The following ADAMTS13 variants were observed in gnomAD, a reference collection of about 807,000 sequenced individuals.
ADAMTS13 encodes the protein ADAM metallopeptidase with thrombospondin type 1 motif 13.
In ADAMTS13, 110 loss-of-function variants were observed where a neutral mutation model predicts 155.1. The observed-to-expected ratio is 0.71, with a 90% confidence interval of 0.61 to 0.83. The LOEUF is 0.83. ADAMTS13 is among the 40% of genes least tolerant of loss of function. The pLI is 0.00. For missense variants in ADAMTS13, 1,707 were observed against 1,891.7 expected (o/e 0.90, Z 1.81); for synonymous variants, 758 against 756.4 (o/e 1.00, Z -0.03).
At position 133,454,509 on chromosome 9, in the gene ADAMTS13, G is replaced by C. The variant is rs151138896; in HGVS notation, c.3139G>C (p.Asp1047His). ...CTGTGTGCAGCTCGACCAAGGCCAG[G>C]ACGTGGAGGTGGACGAGGCGGCCTG... is the stretch of plus-strand genomic sequence containing the variant. Reference protein sequence around the residue: ...VACVQLDQGQDVEVDEAACAA... With the variant: ...VACVQLDQGQHVEVDEAACAA... Residue 1047 changes from aspartate (D) to histidine (H), a missense_variant, in exon 24 of 29, where the codon GAC (aspartate) becomes CAC (histidine). Asp to His is a moderately conservative substitution (Grantham distance 81). Transcript: ENST00000355699. 1 of 1,612,332 alleles carries C rather than the reference G, an allele frequency of 6.2e-7. No individual in the cohort carries two copies. Among genetic ancestry groups the C allele is most frequent in the Non-Finnish European group, 8.5e-7 (1 of 1,180,002 alleles).
At chr9:133,436,457 C>T (rs1213077333) in intron 11 of ADAMTS13, among the ~76,000 whole-genome samples, 3 of 152,152 alleles carry the variant, frequency 2.0e-5, no homozygotes, top group Non-Finnish European at 2.9e-5. Flanking sequence ...GCAGAGGCTT[C>T]GGTGGTGAGG....
rs1392672440 is a variant in ADAMTS13 at position 133,438,226 on chromosome 9, C to T, written c.1585-20C>T. ...AGCACCCTCCAGTGACACGGGCCCT[C>T]TGTCCTTCCCTTTGCATAGACATTT... On this transcript the variant is annotated intron_variant, in intron 13 of 28. Coordinates refer to ENST00000355699, the MANE Select transcript of ADAMTS13 (RefSeq NM_139027.6). 1.2e-6 allele frequency: 2 copies of T among 1,614,004 alleles called. No individual in the cohort carries two copies. Among genetic ancestry groups the T allele is most frequent in the East Asian group, 2.2e-5 (1 of 44,896 alleles).
intron 22 of ADAMTS13, 23 bp downstream of exon 22, chr9:133,448,751 T>C (rs782590808): frequency 1.3e-6 from 2 of 1,597,032 alleles, no homozygotes; most frequent in South Asian, 1.1e-5. Flanking sequence ...AGCAAGACTG[T>C]GTGCTGGCCT....
In ADAMTS13 at chr9:133,442,542, C is replaced by G; in HGVS notation, c.2104+8C>G. 1 of 1,613,534 alleles carries G rather than the reference C, an allele frequency of 6.2e-7. No homozygotes were observed. Among genetic ancestry groups the G allele is most frequent in the Non-Finnish European group, 8.5e-7 (1 of 1,180,018 alleles). On this transcript the variant is annotated splice_region_variant and intron_variant, in intron 17 of 28. Coordinates refer to ENST00000355699, the MANE Select transcript of ADAMTS13 (RefSeq NM_139027.6). ...CGGTGAGCTGTGGGGCAGGTGAGAC[C>G]TGGGGAAGGCTCATCCACAGCACGG...
Position 133,456,244 on chromosome 9 carries a change from G to T in ADAMTS13, c.3547+29G>T, listed in dbSNP as rs782506594. 1 of 1,613,064 alleles carries T rather than the reference G, an allele frequency of 6.2e-7. No homozygotes were observed. The highest frequency in any genetic ancestry group is 1.7e-5 in the Admixed American group (1 of 60,028). On this transcript the variant is annotated intron_variant, in intron 26 of 28. Coordinates refer to ENST00000355699, the MANE Select transcript of ADAMTS13 (RefSeq NM_139027.6). This position sits in a 1 kb window ranked among gnomAD's most constrained non-coding sequence, Gnocchi z 4.4. ...TGTCTAGGGCCATGCAAGCGATGCT[G>T]CCAGTTATGGGCCCTGCCAGGAGCC... is the stretch of plus-strand genomic sequence containing the variant.
At chr9:133,427,865 A>G (rs587716079) in intron 6 of ADAMTS13, among the ~76,000 whole-genome samples, 2 of 152,340 alleles carry the variant, frequency 1.3e-5, no homozygotes, top group East Asian at 3.9e-4. Context: ...AAATTTCTAG[A>G]AAAAGGGCAG....
chr9:133,432,628 A>T lies in ADAMTS13; in HGVS notation c.1028A>T (p.Asp343Val). 1.9e-6 allele frequency: 3 copies of T among 1,558,582 alleles called. No individual in the cohort carries two copies. The highest frequency in any genetic ancestry group is 2.6e-6 in the Non-Finnish European group (3 of 1,150,620). ...QALSCHTDPL[D>V]QSSCSRLLVP... is the part of the protein sequence containing the mutation. ...CTCTCCTGCCACACAGACCCGCTGG[A>T]CCAAAGCAGCTGCAGCCGCCTCCTC... Residue 343 changes from aspartate (D) to valine (V), a missense_variant, in exon 9 of 29, where the codon GAC (aspartate) becomes GTC (valine). Transcript: ENST00000355699.
chr9:133,426,453 G>A lies in ADAMTS13; in HGVS notation c.686+108G>A, dbSNP rs371453489. 1,006 of 1,465,278 alleles carry A rather than the reference G, an allele frequency of 6.9e-4. 9 individuals carry two copies. The African/African-American group carries it at 0.012, about 18-fold the overall frequency. 90.8% of individuals were successfully genotyped at this position (1,465,278 alleles called of 1,614,324 possible). A position where few individuals can be genotyped will look rare whatever the true frequency, so the allele number is the denominator to read the frequency against. On this transcript the variant is annotated intron_variant, in intron 6 of 28. Transcript: ENST00000355699. The stretch of plus-strand genomic sequence containing the variant: ...TGGGTCCTTGTAGAGTTTCTCCAGA[G>A]GAGCCTGTACCCCTCACCCCGACAG...
chr9:133,426,181 C>T lies in ADAMTS13; in HGVS notation c.540-18C>T, dbSNP rs1840268717. 1.9e-6 allele frequency: 3 copies of T among 1,614,062 alleles called. No individual in the cohort carries two copies. Among genetic ancestry groups the T allele is most frequent in the South Asian group, 1.1e-5 (1 of 91,092 alleles). On this transcript the variant is annotated intron_variant, in intron 5 of 28. Transcript: ENST00000355699. ...ACGTGCCTTGGCACCACCCAAGTGA[C>T]TGTTTTCTCTCACCGAGGTTTGACC...
rs587758630 is a variant in ADAMTS13 at position 133,437,687 on chromosome 9, G to T, written c.1436-62G>T. 16 of 1,605,842 alleles carry T rather than the reference G, an allele frequency of 1.0e-5. No individual in the cohort carries two copies. In the African/African-American group the frequency reaches 1.1e-4, roughly 11 times the overall value. ...AGATGCAAAGGATGAAGCTGGGTGGGGGCTGGGGGACTTGCCCCTCCTGCT... is the reference window on the plus strand; with the variant it reads ...AGATGCAAAGGATGAAGCTGGGTGGTGGCTGGGGGACTTGCCCCTCCTGCT... On this transcript the variant is annotated intron_variant, in intron 12 of 28. Transcript: ENST00000355699.
chr9:133,430,167 C>A lies in ADAMTS13; in HGVS notation c.987+66C>A, dbSNP rs587744487. The A allele has an allele frequency of 2.9e-4, 440 of 1,536,524 alleles. 1 individual carries two copies. The African/African-American group carries it at 5.3e-3, about 18-fold the overall frequency. ...CCTCCGCATCACCCAGCTCACGTCCCCCAAAACGTGCATGGTGAGAACCTG... is the reference window on the plus strand; with the variant it reads ...CCTCCGCATCACCCAGCTCACGTCCACCAAAACGTGCATGGTGAGAACCTG... On this transcript the variant is annotated intron_variant, in intron 8 of 28. Transcript: ENST00000355699.
chr9:133,439,551 T>C (rs1841506725), intron 15 of ADAMTS13, 105 bp downstream of exon 15: 2 of 1,015,820 alleles, frequency 2.0e-6, no homozygotes, highest in African/African-American at 1.6e-5. Context: ...GTTCAGGGGG[T>C]TCCCCAAACC....
At chr9:133,435,951 T>C (rs953319997) in intron 11 of ADAMTS13, among the ~76,000 whole-genome samples, 1 of 151,830 alleles carries the variant, frequency 6.6e-6, no homozygotes, top group Non-Finnish European at 1.5e-5. Context: ...CTTGCTGTTT[T>C]CTGTTGTTGT....
intron 21 of ADAMTS13, among the ~76,000 whole-genome samples, chr9:133,447,979 T>G (rs910366924): frequency 1.3e-5 from 2 of 152,060 alleles, no homozygotes; most frequent in East Asian, 1.9e-4. Flanking sequence ...GATTTTCATA[T>G]TGTGATTTTT....
At chr9:133,421,465 A>G (rs1839952766), upstream of ADAMTS13, among the ~76,000 whole-genome samples, 1 of 152,056 alleles carries the variant, frequency 6.6e-6, no homozygotes, top group African/African-American at 2.4e-5. Flanking sequence ...CCACCTTTGA[A>G]CATACTACAT....
chr9:133,454,688 G>C, intron 24 of ADAMTS13, 69 bp downstream of exon 24: 1 of 1,517,512 alleles, frequency 6.6e-7, no homozygotes, highest in Non-Finnish European at 8.8e-7. Context: ...CCTCATGTGT[G>C]AGGGAGTCTA....
At chr9:133,448,279 A>G (rs1842204581) in intron 21 of ADAMTS13, among the ~76,000 whole-genome samples, 2 of 152,186 alleles carry the variant, frequency 1.3e-5, no homozygotes, top group East Asian at 1.9e-4. Context: ...TGCCTGGCCC[A>G]TATTGCAATT....
Position 133,436,861 on chromosome 9 carries a change from G to A in ADAMTS13, c.1341G>A (p.Ser447=), listed in dbSNP as rs587602874. 70 of 1,586,156 alleles carry A rather than the reference G, an allele frequency of 4.4e-5. 1 individual carries two copies. The highest frequency in any genetic ancestry group is 2.5e-4 in the East Asian group (11 of 43,812). Residue 447 remains serine, a synonymous_variant, in exon 12 of 29, where the codon TCG becomes TCA. Transcript: ENST00000355699. ...ACEKTQLEFM[S]QQCARTDGQP... ...AGAAGACCCAGCTGGAGTTCATGTC[G>A]CAACAGTGCGCCAGGACCGACGGCC...
At chr9:133,455,482 G>C in intron 25 of ADAMTS13, 47 bp downstream of exon 25, 1 of 1,612,420 alleles carries the variant, frequency 6.2e-7, no homozygotes, top group Non-Finnish European at 8.5e-7. Flanking sequence ...CTCCAGGACG[G>C]ACCACAGCCA....
Sources: allele counts gnomAD v4.1 joint callset (sites outside exome capture counted in the v4.1 genomes callset), GRCh38; gene constraint gnomAD v4.1.1; non-coding constraint Gnocchi (gnomAD v3.1); transcripts MANE v1.5; gene names NCBI Gene and HGNC (gene_info 2026-07-23, HGNC 2026-07-21).